Variants in HTR1D observed in about 807,000 individuals in gnomAD.
HTR1D encodes 5-hydroxytryptamine receptor 1D.
Under a neutral mutation model 21.1 loss-of-function variants are expected in HTR1D, and 18 were observed. The observed-to-expected ratio is 0.85, with a 90% CI of 0.59 to 1.27. The LOEUF is 1.27. Among genes scored for constraint, HTR1D ranks in the 50% most tolerant of loss-of-function variants. HTR1D has a pLI of 0.00. For missense variants in HTR1D, 456 were observed against 481.4 expected, an observed-to-expected ratio of 0.95 and a Z score of 0.49; for synonymous variants, 196 against 204.4, an observed-to-expected ratio of 0.96 and a Z score of 0.35.
At chr1:23,202,153 G>A (rs1428373616) in intron 1 of HTR1D, among the ~76,000 whole-genome samples, 1 of 152,014 alleles carries the variant, frequency 6.6e-6, no homozygotes, top group Non-Finnish European at 1.5e-5. Flanking sequence ...CTGGAGTGTA[G>A]TGACCCAATC....
chr1:23,195,074 T>C (rs1238689805), intron 1 of HTR1D, among the ~76,000 whole-genome samples, 73 bp from the exon 2 acceptor site: 1 of 152,202 alleles, frequency 6.6e-6, no homozygotes, highest in Non-Finnish European at 1.5e-5. Flanking sequence ...ATGAACTATA[T>C]GATTAAAAAG....
chr1:23,212,887 C>G (rs1386929372), intron 1 of HTR1D, among the ~76,000 whole-genome samples: 2 of 151,638 alleles, frequency 1.3e-5, no homozygotes, highest in Non-Finnish European at 2.9e-5. Flanking sequence ...AGCACAGCGG[C>G]TCAATCTCCA....
At chr1:23,204,149 G>A (rs778516176) in intron 1 of HTR1D, among the ~76,000 whole-genome samples, 7 of 149,906 alleles carry the variant, frequency 4.7e-5, no homozygotes, top group Admixed American at 6.6e-5. Flanking sequence ...TTTTTGAGAC[G>A]GAGTCTCACT....
At chr1:23,197,721 A>T (rs1644694213) in intron 1 of HTR1D, among the ~76,000 whole-genome samples, 1 of 136,920 alleles carries the variant, frequency 7.3e-6, no homozygotes, top group African/African-American at 2.7e-5. Flanking sequence ...GACTCTACCT[A>T]AAAAAAAAAA....
chr1:23,206,379 C>A (rs928621782), intron 1 of HTR1D, among the ~76,000 whole-genome samples: 1 of 152,102 alleles, frequency 6.6e-6, no homozygotes, highest in Non-Finnish European at 1.5e-5. Flanking sequence ...CCCTTAAAAT[C>A]CTCCAGTGGC....
intron 1 of HTR1D, among the ~76,000 whole-genome samples, chr1:23,199,853 G>A (rs528023296): frequency 2.0e-5 from 3 of 152,076 alleles, no homozygotes; most frequent in Admixed American, 6.5e-5. Context: ...CTACAAGCAC[G>A]TACCACCATG....
chr1:23,197,381 A>G (rs1644692845), intron 1 of HTR1D, among the ~76,000 whole-genome samples: 1 of 152,212 alleles, frequency 6.6e-6, no homozygotes, highest in African/African-American at 2.4e-5. Context: ...CTTTGGAGAC[A>G]TGGACTGTAG....
intron 1 of HTR1D, among the ~76,000 whole-genome samples, chr1:23,199,742 T>C (rs976911226): frequency 6.6e-6 from 1 of 152,162 alleles, no homozygotes; most frequent in Non-Finnish European, 1.5e-5. Context: ...TCTTCCTCTG[T>C]CACCCAGCCT....
In HTR1D at chr1:23,193,369, C is replaced by T; in HGVS notation, c.851G>A (p.Ser284Asn). 6.2e-7 allele frequency: 1 copy of T among 1,614,168 alleles called. No homozygotes were observed. Among genetic ancestry groups the T allele is most frequent in the Non-Finnish European group, 8.5e-7 (1 of 1,180,044 alleles). The change falls in exon 2 of 2, where the codon AGT (serine) becomes AAT (asparagine). Residue 284 changes from serine to asparagine, a missense_variant. Transcript: ENST00000374619. The stretch of plus-strand genomic sequence containing the variant: ...AGAAATCCTCTTGCGTTCCAGGGCA[C>T]TGTCAGCAAGCTTGATTTTCACGTG... ...FNHVKIKLAD[S>N]ALERKRISAA...
intron 1 of HTR1D, among the ~76,000 whole-genome samples, chr1:23,197,696 T>A (rs1037693495): frequency 6.7e-6 from 1 of 148,272 alleles, no homozygotes; most frequent in African/African-American, 2.5e-5. Context: ...CACTCCAGCC[T>A]GGGCGACAGA....
At chr1:23,198,318 A>G (rs112992305) in intron 1 of HTR1D, among the ~76,000 whole-genome samples, 110 of 148,878 alleles carry the variant, frequency 7.4e-4, no homozygotes, top group African/African-American at 2.6e-3. Flanking sequence ...GTGAGCCGAG[A>G]TCGCGCCACT....
chr1:23,202,873 G>T (rs1256593948), intron 1 of HTR1D, among the ~76,000 whole-genome samples: 3 of 152,106 alleles, frequency 2.0e-5, no homozygotes, highest in African/African-American at 7.2e-5. Flanking sequence ...GAGATATAAT[G>T]AGGATTGGAT....
In HTR1D at chr1:23,193,316, T is replaced by G; in HGVS notation, c.904A>C (p.Ile302Leu). Residue 302 changes from isoleucine (I) to leucine (L), a missense_variant, in exon 2 of 2, where the codon ATC (isoleucine) becomes CTC (leucine). Ile to Leu is a conservative substitution (Grantham distance 5). Transcript: ENST00000374619. Reference protein sequence around the residue: ...SAARERKATKILGIILGAFII... With the variant: ...SAARERKATKLLGIILGAFII... ...AAGGCCCCCAGAATGATGCCCAGGATTTTAGTGGCTTTCCTTTCTCGAGCA... is the reference window on the plus strand; with the variant it reads ...AAGGCCCCCAGAATGATGCCCAGGAGTTTAGTGGCTTTCCTTTCTCGAGCA... The G allele has an allele frequency of 1.9e-6, 3 of 1,614,060 alleles. No individual in the cohort carries two copies. The highest frequency in any genetic ancestry group is 2.5e-6 in the Non-Finnish European group (3 of 1,180,010).
At position 23,193,447 on chromosome 1, in the gene HTR1D, G is replaced by T; in HGVS notation, c.773C>A (p.Ser258Tyr). ...SAGSSLCSLN[S>Y]SLHEGHSHSA... ...GTGCGAGTGCCCCTCATGGAGGCTG[G>T]AGTTGAGCGAGCAGAGCGAGGACCC... The change falls in exon 2 of 2, where the codon TCC (serine) becomes TAC (tyrosine). Residue 258 changes from serine to tyrosine, a missense_variant. Ser to Tyr is a moderately radical substitution (Grantham distance 144, BLOSUM62 -2). Transcript: ENST00000374619. 1 of 1,614,236 alleles carries T rather than the reference G, an allele frequency of 6.2e-7. No homozygotes were observed. The highest frequency in any genetic ancestry group is 1.1e-5 in the South Asian group (1 of 91,088).
At chr1:23,211,387 G>A (rs375454189) in intron 1 of HTR1D, among the ~76,000 whole-genome samples, 2 of 152,118 alleles carry the variant, frequency 1.3e-5, no homozygotes, top group Admixed American at 6.6e-5. Context: ...GGAAAGTAGG[G>A]GGACAGGTAG....
chr1:23,193,109 C>A lies in HTR1D; in HGVS notation c.1111G>T (p.Val371Phe). The change falls in exon 2 of 2, where the codon GTC (valine) becomes TTC (phenylalanine). Residue 371 changes from valine to phenylalanine, a missense_variant. Physicochemically the swap from Val to Phe is conservative, Grantham distance 50 (BLOSUM62 -1). Transcript: ENST00000374619. ...GACTAGGAGGCCTTCCGGAAAGGGA[C>A]AATTTTCTGAAAAGCTTGCCGAAAC... The part of the protein sequence containing the change: ...EEFRQAFQKI[V>F]PFRKAS 1.9e-6 allele frequency: 3 copies of A among 1,609,650 alleles called. No homozygotes were observed. The highest frequency in any genetic ancestry group is 1.1e-5 in the South Asian group (1 of 90,376).
In HTR1D at chr1:23,193,205, CA is replaced by C; in HGVS notation, c.1014del (p.Phe338LeufsTer7). Reference protein sequence around the residue: ...RDSCWIHPALFDFFTWLGYLN... With the variant: ...RDSCWIHPALXDFFTWLGYLN... ...AAATAGCCTAGCCAGGTGAAGAAGT[CA>C]AAGAGCGCCGGGTGGATCCAGCAGG... On this transcript the variant is annotated frameshift_variant, in exon 2 of 2. Transcript: ENST00000374619. LOFTEE classifies it high-confidence loss of function. The C allele has an allele frequency of 2.5e-6, 4 of 1,613,982 alleles. No homozygotes were observed. Among genetic ancestry groups the C allele is most frequent in the Non-Finnish European group, 3.4e-6 (4 of 1,180,002 alleles).
At chr1:23,209,364 C>T (rs746817094) in intron 1 of HTR1D, among the ~76,000 whole-genome samples, 9 of 152,158 alleles carry the variant, frequency 5.9e-5, no homozygotes, top group Non-Finnish European at 1.3e-4. Context: ...ACATTTGTCA[C>T]TCTTGTTATA....
chr1:23,205,994 C>T (rs1351691907), intron 1 of HTR1D, among the ~76,000 whole-genome samples: 2 of 152,128 alleles, frequency 1.3e-5, no homozygotes, highest in African/African-American at 4.8e-5. Flanking sequence ...CCAGCCTCTA[C>T]CCCTGGCTCC....
Sources: gnomAD v4.1 joint callset for allele counts (sites outside exome capture counted in the v4.1 genomes callset) on GRCh38, gnomAD v4.1.1 for gene constraint, MANE v1.5 for transcripts, NCBI Gene and HGNC (gene_info 2026-07-23, HGNC 2026-07-21) for gene names.